The following UBE2D1 variants were observed in gnomAD, a reference collection of about 807,000 sequenced individuals.
UBE2D1 encodes ubiquitin conjugating enzyme E2 D1, also known as ubiquitin-conjugating enzyme E2 D1.
In UBE2D1, 9 loss-of-function variants were observed where a neutral mutation model predicts 24.6. The ratio of observed to expected loss-of-function variants is 0.37; its 90% CI spans 0.22 to 0.64. The LOEUF (loss-of-function observed/expected upper bound fraction) is 0.64, where lower values mean the gene tolerates loss of function less well. UBE2D1 is among the 30% of genes least tolerant of loss of function. The pLI is 0.64. For missense variants in UBE2D1, 87 were observed against 177.1 expected (o/e 0.49, Z 2.89); for synonymous variants, 57 against 57.6 (o/e 0.99, Z 0.04).
chr10:58,347,408 G>T (rs185398949), intron 1 of UBE2D1, among the ~76,000 whole-genome samples: 4 of 152,146 alleles, frequency 2.6e-5, no homozygotes, highest in African/African-American at 9.6e-5. Context: ...GTCTAAAATC[G>T]ATTTTTATTT....
intron 1 of UBE2D1, among the ~76,000 whole-genome samples, chr10:58,337,199 G>A (rs1839912778): frequency 6.6e-6 from 1 of 151,994 alleles, no homozygotes; most frequent in South Asian, 2.1e-4. Flanking sequence ...TGATATTTTG[G>A]AAAAGAAATT....
chr10:58,358,864 G>A (rs12358567), intron 1 of UBE2D1, among the ~76,000 whole-genome samples: 22,379 of 150,714 alleles, frequency 0.15, 2,155 homozygotes, highest in Non-Finnish European at 0.22. Flanking sequence ...GGGTTCAGGC[G>A]ACCCTCCTGC....
At chr10:58,359,639 G>A (rs777178143) in intron 1 of UBE2D1, among the ~76,000 whole-genome samples, 6 of 152,176 alleles carry the variant, frequency 3.9e-5, no homozygotes, top group Non-Finnish European at 5.9e-5. Flanking sequence ...ACTAAAACAT[G>A]AGATGATCGC....
intron 1 of UBE2D1, among the ~76,000 whole-genome samples, chr10:58,354,305 A>G (rs1191947127): frequency 2.0e-5 from 3 of 152,182 alleles, no homozygotes; most frequent in Non-Finnish European, 4.4e-5. Context: ...ATGGGAGATG[A>G]AAGGAAGGTT....
At chr10:58,364,201 CAGGG>C (rs1840230689) in intron 4 of UBE2D1, among the ~76,000 whole-genome samples, 1 of 151,958 alleles carries the variant, frequency 6.6e-6, no homozygotes, top group South Asian at 2.1e-4. Context: ...ATGGGGATAT[CAGGG>C]AGGGGAAAAG....
At chr10:58,354,163 T>G (rs1840105959) in intron 1 of UBE2D1, among the ~76,000 whole-genome samples, 1 of 152,214 alleles carries the variant, frequency 6.6e-6, no homozygotes, top group Admixed American at 6.5e-5. Flanking sequence ...TTCTTAAAGG[T>G]AACCAGAGAT....
At chr10:58,335,907 C>G (rs1028654200) in intron 1 of UBE2D1, among the ~76,000 whole-genome samples, 1 of 152,202 alleles carries the variant, frequency 6.6e-6, no homozygotes, top group African/African-American at 2.4e-5. Context: ...CTGTGATTCA[C>G]GGTGAGTCAA....
chr10:58,347,118 A>G (rs1157611577), intron 1 of UBE2D1, among the ~76,000 whole-genome samples: 1 of 151,678 alleles, frequency 6.6e-6, no homozygotes, highest in Non-Finnish European at 1.5e-5. Context: ...ATCCTAAACT[A>G]CCTCTCCTCT....
chr10:58,362,110 T>A (rs1336486521), intron 3 of UBE2D1, among the ~76,000 whole-genome samples: 2 of 152,210 alleles, frequency 1.3e-5, no homozygotes, highest in Non-Finnish European at 1.5e-5. Context: ...TTTGTTAAAA[T>A]TATTTCTTTC....
At chr10:58,348,695 G>A (rs1024274311) in intron 1 of UBE2D1, among the ~76,000 whole-genome samples, 10 of 152,120 alleles carry the variant, frequency 6.6e-5, no homozygotes, top group Non-Finnish European at 7.4e-5. Flanking sequence ...TCTGGTCAGC[G>A]TAATTTTTTA....
At chr10:58,337,842 A>C (rs931156043) in intron 1 of UBE2D1, among the ~76,000 whole-genome samples, 1 of 152,066 alleles carries the variant, frequency 6.6e-6, no homozygotes, top group Non-Finnish European at 1.5e-5. Flanking sequence ...TGCTTTGTCC[A>C]AAGATAATCT....
At chr10:58,335,406 G>T (rs1001109045) in intron 1 of UBE2D1, among the ~76,000 whole-genome samples, 181 bp downstream of exon 1, 8 of 152,222 alleles carry the variant, frequency 5.3e-5, no homozygotes, top group African/African-American at 1.9e-4. Context: ...GTGGGAGCAG[G>T]GTCAGGTCCC....
At chr10:58,354,929 T>G (rs979264532) in intron 1 of UBE2D1, among the ~76,000 whole-genome samples, 4 of 151,974 alleles carry the variant, frequency 2.6e-5, no homozygotes, top group African/African-American at 9.7e-5. Context: ...ATAAATAACA[T>G]TTTTTTGTGA....
intron 3 of UBE2D1, among the ~76,000 whole-genome samples, chr10:58,362,179 A>G (rs1259051112): frequency 6.6e-6 from 1 of 152,188 alleles, no homozygotes; most frequent in Non-Finnish European, 1.5e-5. Context: ...TGAGCAAAAA[A>G]TCTGATTGCA....
intron 1 of UBE2D1, among the ~76,000 whole-genome samples, chr10:58,335,716 TTC>T (rs1368943916): frequency 1.3e-5 from 2 of 152,228 alleles, no homozygotes; most frequent in African/African-American, 4.8e-5. Context: ...GGTTGGTTCT[TTC>T]TCTCCTCTGC....
intron 1 of UBE2D1, among the ~76,000 whole-genome samples, chr10:58,359,342 A>T (rs1840169090): frequency 6.6e-6 from 1 of 151,428 alleles, no homozygotes; most frequent in South Asian, 2.1e-4. Context: ...GGTACTTAAA[A>T]TAAGGATGTG....
At chr10:58,343,335 G>A (rs540467347) in intron 1 of UBE2D1, among the ~76,000 whole-genome samples, 1 of 152,112 alleles carries the variant, frequency 6.6e-6, no homozygotes, top group African/African-American at 2.4e-5. Flanking sequence ...AAATGGAATA[G>A]AAAATATTAG....
intron 1 of UBE2D1, among the ~76,000 whole-genome samples, chr10:58,337,151 A>G (rs1441179003): frequency 6.7e-6 from 1 of 149,724 alleles, no homozygotes; most frequent in Non-Finnish European, 1.5e-5. Context: ...AAAAAAAAAA[A>G]TTACTTACAT....
At chr10:58,349,433 A>G (rs751526406) in intron 1 of UBE2D1, among the ~76,000 whole-genome samples, 1 of 152,238 alleles carries the variant, frequency 6.6e-6, no homozygotes. Flanking sequence ...AGAATCAACA[A>G]TGCATTTCAA....
Sources: gnomAD v4.1 joint callset for allele counts (sites outside exome capture counted in the v4.1 genomes callset) on GRCh38, gnomAD v4.1.1 for gene constraint, MANE v1.5 for transcripts, NCBI Gene and HGNC (gene_info 2026-07-23, HGNC 2026-07-21) for gene names.